NRG1: variants seen among roughly 807,000 people sequenced by gnomAD.
NRG1 encodes pro-neuregulin-1, membrane-bound isoform.
Under a neutral mutation model 63.8 loss-of-function variants are expected in NRG1, and 18 were observed. The ratio of observed to expected loss-of-function variants is 0.28; its 90% confidence interval spans 0.19 to 0.42. The LOEUF (loss-of-function observed/expected upper bound fraction) is 0.42. Ranked by LOEUF, NRG1 falls within the 10% of genes least tolerant of loss-of-function variation. The pLI, the probability that NRG1 is intolerant of heterozygous loss-of-function variation, is 1.00. For synonymous variants in NRG1, 302 were observed against 301.3 expected (o/e 1.00, Z -0.02); for missense variants, 762 against 814.7 (o/e 0.94, Z 0.79).
At chr8:32,293,932 G>T (rs559340272) in intron 1 of NRG1, among the ~76,000 whole-genome samples, 1 of 151,804 alleles carries the variant, frequency 6.6e-6, no homozygotes, top group South Asian at 2.1e-4. Context: ...TGGCCAGGCT[G>T]GTCTTGAACT....
chr8:32,438,010 A>C (rs1222642831), intron 1 of NRG1, among the ~76,000 whole-genome samples: 1 of 152,168 alleles, frequency 6.6e-6, no homozygotes, highest in Non-Finnish European at 1.5e-5. Context: ...ATTCACATGC[A>C]GCTATAAGAA....
chr8:32,052,453 G>T (rs1822146183), intron 1 of NRG1, among the ~76,000 whole-genome samples: 1 of 151,530 alleles, frequency 6.6e-6, no homozygotes, highest in Admixed American at 6.6e-5. Context: ...TTTTTTATTT[G>T]TATTTTTTTT....
chr8:32,282,179 A>C (rs1002568110), intron 1 of NRG1, among the ~76,000 whole-genome samples: 5 of 152,216 alleles, frequency 3.3e-5, no homozygotes, highest in Admixed American at 3.3e-4. Flanking sequence ...CCACAAACAC[A>C]GGTGGTGCAT....
intron 1 of NRG1, among the ~76,000 whole-genome samples, chr8:31,961,986 T>A (rs1586102404): frequency 1.2e-5 from 1 of 81,852 alleles, no homozygotes; most frequent in Non-Finnish European, 4.3e-5. Context: ...TGGGACTTTA[T>A]GGAGGCATTA....
At chr8:32,516,315 G>T (rs1829821221) in intron 1 of NRG1, among the ~76,000 whole-genome samples, 1 of 152,134 alleles carries the variant, frequency 6.6e-6, no homozygotes, top group South Asian at 2.1e-4. Flanking sequence ...TTACCATGCT[G>T]TTTTTGTTAC....
At chr8:32,647,403 C>T in intron 5 of NRG1, 2 of 985,392 alleles carry the variant, frequency 2.0e-6, no homozygotes, top group Non-Finnish European at 1.2e-6. Flanking sequence ...AATCAGCCGG[C>T]AGCTCCGTCG....
At chr8:31,851,782 C>A (rs1827256466) in intron 1 of NRG1, among the ~76,000 whole-genome samples, 1 of 135,666 alleles carries the variant, frequency 7.4e-6, no homozygotes, top group Admixed American at 8.0e-5. Context: ...CAACAGTCCC[C>A]AGAGTGTGAT....
At chr8:31,652,288 C>A (rs1804931253) in intron 1 of NRG1, among the ~76,000 whole-genome samples, 1 of 152,228 alleles carries the variant, frequency 6.6e-6, no homozygotes, top group South Asian at 2.1e-4. Context: ...TTCAACTTCT[C>A]TGTAATAGAT....
intron 1 of NRG1, among the ~76,000 whole-genome samples, chr8:31,814,136 G>A (rs935100056): frequency 5.9e-5 from 9 of 152,086 alleles, no homozygotes; most frequent in Non-Finnish European, 8.8e-5. Flanking sequence ...AATATACCTG[G>A]CATACACATG....
At chr8:32,729,053 G>A (rs1822986570) in intron 6 of NRG1, among the ~76,000 whole-genome samples, 1 of 152,160 alleles carries the variant, frequency 6.6e-6, no homozygotes, top group African/African-American at 2.4e-5. Context: ...GGGTGACAGA[G>A]CGAGACTCCG....
intron 1 of NRG1, among the ~76,000 whole-genome samples, chr8:32,142,171 G>A (rs1166048085): frequency 6.6e-6 from 1 of 152,126 alleles, no homozygotes; most frequent in Non-Finnish European, 1.5e-5. Flanking sequence ...ACTGATAGAG[G>A]GATGGGTATC....
intron 1 of NRG1, chr8:31,639,694 T>C: frequency 7.1e-7 from 1 of 1,399,018 alleles, no homozygotes; most frequent in African/African-American, 1.5e-5. Context: ...TGGGGGGACC[T>C]GTCACTCCCT....
Position 31,868,904 on chromosome 8 carries a change from G to A in NRG1, c.37+229473G>A, listed in dbSNP as rs188909677. 4.1e-4 allele frequency among the ~76,000 whole-genome samples: 62 copies of A among 152,272 alleles called. 1 individual carries two copies. The East Asian group carries it at 6.2e-3, about 15-fold the overall frequency. On this transcript the variant is annotated intron_variant, in intron 1 of 10. Coordinates refer to the NRG1 transcript ENST00000519301. ...CTATGCACTTAGCTGTGATGTATGC[G>A]TTCTATCTCAAGTGATCACCTCTAA...
intron 1 of NRG1, among the ~76,000 whole-genome samples, chr8:32,144,317 A>G (rs1192448518): frequency 6.6e-6 from 1 of 152,214 alleles, no homozygotes; most frequent in Non-Finnish European, 1.5e-5. Flanking sequence ...GGATGTCACA[A>G]ATGGTGATTG....
chr8:32,470,496 G>A (rs541440091), intron 1 of NRG1, among the ~76,000 whole-genome samples: 5 of 152,044 alleles, frequency 3.3e-5, no homozygotes, highest in African/African-American at 9.6e-5. Context: ...GAGCCACCGC[G>A]CCCGACCATG....
At chr8:32,165,950 A>G (rs190109180) in intron 1 of NRG1, among the ~76,000 whole-genome samples, 9 of 152,288 alleles carry the variant, frequency 5.9e-5, no homozygotes, top group Non-Finnish European at 8.8e-5. Context: ...GCTTGTGTAC[A>G]TGATCATAGA....
intron 1 of NRG1, among the ~76,000 whole-genome samples, chr8:32,171,973 C>T (rs1840109976): frequency 6.6e-6 from 1 of 152,180 alleles, no homozygotes; most frequent in Non-Finnish European, 1.5e-5. Context: ...TTAAATGTCC[C>T]TGTCTGACAG....
At chr8:32,413,777 T>C (rs1054367287) in intron 1 of NRG1, among the ~76,000 whole-genome samples, 2 of 152,162 alleles carry the variant, frequency 1.3e-5, no homozygotes, top group African/African-American at 4.8e-5. Flanking sequence ...CTGATTAAAA[T>C]GAATACCCAG....
intron 1 of NRG1, among the ~76,000 whole-genome samples, chr8:32,004,329 C>G (rs1813411083): frequency 6.6e-6 from 1 of 151,840 alleles, no homozygotes; most frequent in Admixed American, 6.6e-5. Context: ...ATGGTGGATA[C>G]ATTGCATCAT....
Sources: allele counts gnomAD v4.1 joint callset (sites outside exome capture counted in the v4.1 genomes callset), GRCh38; gene constraint gnomAD v4.1.1; transcripts MANE v1.5; gene names NCBI Gene and HGNC (gene_info 2026-07-23, HGNC 2026-07-21).